Variants in KHDRBS2 observed in about 807,000 individuals in gnomAD.
KHDRBS2 encodes KH domain-containing, RNA-binding, signal transduction-associated protein 2.
In KHDRBS2, 26 loss-of-function variants were observed where a neutral mutation model predicts 44.3. That is an observed-to-expected ratio of 0.59 (90% CI 0.43 to 0.81). The LOEUF (loss-of-function observed/expected upper bound fraction) is 0.81, where lower values mean the gene tolerates loss of function less well. Among genes scored for constraint, KHDRBS2 ranks in the 40% least tolerant of loss-of-function variants. The pLI is 0.00. For missense variants in KHDRBS2, 476 were observed against 433.1 expected, an observed-to-expected ratio of 1.10 and a Z score of -0.88; for synonymous variants, 194 against 151.1, an observed-to-expected ratio of 1.28 and a Z score of -2.08.
chr6:61,606,389 G>A, the KHDRBS2 span, among the ~76,000 whole-genome samples: 1 of 152,144 alleles, frequency 6.6e-6, no homozygotes, highest in Non-Finnish European at 1.5e-5. Flanking sequence ...AAATGAACGG[G>A]CCAAGGGAAA....
At chr6:62,106,842 C>T (rs1348513550) in intron 2 of KHDRBS2, among the ~76,000 whole-genome samples, 3 of 151,960 alleles carry the variant, frequency 2.0e-5, no homozygotes, top group East Asian at 3.9e-4. Flanking sequence ...AGACAAAAAC[C>T]ACATGATTAT....
chr6:61,805,959 C>A (rs1787091096), intron 6 of KHDRBS2, among the ~76,000 whole-genome samples: 1 of 152,120 alleles, frequency 6.6e-6, no homozygotes, highest in South Asian at 2.1e-4. Context: ...ATAATTTGTA[C>A]ACAGTCACAC....
At chr6:62,098,156 T>C (rs1314922945) in intron 2 of KHDRBS2, among the ~76,000 whole-genome samples, 1 of 152,098 alleles carries the variant, frequency 6.6e-6, no homozygotes, top group Admixed American at 6.5e-5. Context: ...TAAAGATATG[T>C]CTAGTTTACA....
intron 1 of KHDRBS2, among the ~76,000 whole-genome samples, chr6:62,268,237 G>A (rs1160865082): frequency 1.3e-5 from 2 of 151,974 alleles, no homozygotes; most frequent in Non-Finnish European, 2.9e-5. Flanking sequence ...ACTTCTTTGA[G>A]AATTACCTCA....
At chr6:62,278,166 T>G (rs1841271889) in intron 1 of KHDRBS2, among the ~76,000 whole-genome samples, 1 of 152,178 alleles carries the variant, frequency 6.6e-6, no homozygotes, top group Non-Finnish European at 1.5e-5. Context: ...AAAATCAAAC[T>G]GATGCCAGAA....
At chr6:61,654,178 G>A in the KHDRBS2 span, among the ~76,000 whole-genome samples, 5 of 152,142 alleles carry the variant, frequency 3.3e-5, no homozygotes, top group Non-Finnish European at 5.9e-5. Context: ...TAGAAAGGGC[G>A]CTAACATTTG....
chr6:62,064,454 C>G (rs1405040707), intron 2 of KHDRBS2, among the ~76,000 whole-genome samples: 18 of 148,160 alleles, frequency 1.2e-4, no homozygotes, highest in Admixed American at 1.2e-3. Flanking sequence ...TGGAACACAA[C>G]AGAGCCCTCA....
chr6:61,802,475 T>A (rs1230128267), intron 6 of KHDRBS2, among the ~76,000 whole-genome samples: 1 of 152,180 alleles, frequency 6.6e-6, no homozygotes, highest in African/African-American at 2.4e-5. Flanking sequence ...AACACAGCAC[T>A]ATTGTGAAGA....
chr6:61,841,022 G>A (rs1195475436), intron 6 of KHDRBS2, among the ~76,000 whole-genome samples: 1 of 152,076 alleles, frequency 6.6e-6, no homozygotes, highest in African/African-American at 2.4e-5. Flanking sequence ...ACCCTAATTT[G>A]TAGTCTATAG....
intron 1 of KHDRBS2, among the ~76,000 whole-genome samples, chr6:62,202,757 T>C (rs1184334940): frequency 6.6e-6 from 1 of 152,008 alleles, no homozygotes; most frequent in African/African-American, 2.4e-5. Context: ...CATGGTTCTG[T>C]GAGAGTTTAC....
In KHDRBS2 at chr6:61,738,220, C is replaced by T. The variant is rs190193735; in HGVS notation, c.811-5456G>A. On this transcript the variant is annotated intron_variant, in intron 6 of 8. Transcript: ENST00000281156. ...ATTTCCTCAAGTACAAAGAGCACATCCGATGTGTCCAGTAAAAGAAAACCT... is the reference window on the plus strand; with the variant it reads ...ATTTCCTCAAGTACAAAGAGCACATTCGATGTGTCCAGTAAAAGAAAACCT... Among the ~76,000 whole-genome samples, 6 of 152,074 alleles carry T rather than the reference C, an allele frequency of 3.9e-5. No individual in the cohort carries two copies. In the East Asian group the frequency reaches 1.2e-3, roughly 29 times the overall value.
intron 1 of KHDRBS2, among the ~76,000 whole-genome samples, chr6:62,269,485 T>C (rs1356332502): frequency 2.0e-5 from 3 of 152,076 alleles, no homozygotes; most frequent in Non-Finnish European, 2.9e-5. Flanking sequence ...CATGAAAGCA[T>C]GCTCTTCAAT....
chr6:62,070,393 G>C (rs988807855), intron 2 of KHDRBS2, among the ~76,000 whole-genome samples: 2 of 151,386 alleles, frequency 1.3e-5, no homozygotes, highest in Non-Finnish European at 1.5e-5. Context: ...CAATGTGCAG[G>C]TTTGTTACAT....
At chr6:62,154,081 G>A (rs557945645) in intron 2 of KHDRBS2, among the ~76,000 whole-genome samples, 1 of 152,160 alleles carries the variant, frequency 6.6e-6, no homozygotes, top group Non-Finnish European at 1.5e-5. Context: ...GCCCTTCCCA[G>A]ACAAGACAAA....
rs137929089 is a variant in KHDRBS2, at chr6:61,795,312, G to A, written c.811-62548C>T. On this transcript the variant is annotated intron_variant, in intron 6 of 8. Transcript: ENST00000281156. ...TTAAAGAGAATGAATTATTGTGTAT[G>A]GCTTACAATTCAGCAAAAACCCAAC... Among the ~76,000 whole-genome samples the A allele has an allele frequency of 7.0e-3, 1,070 of 152,090 alleles. 20 individuals carry two copies. The highest frequency in any genetic ancestry group is 0.023 in the African/African-American group (960 of 41,490).
At chr6:62,168,969 A>G (rs1273312043) in intron 2 of KHDRBS2, among the ~76,000 whole-genome samples, 2 of 146,328 alleles carry the variant, frequency 1.4e-5, no homozygotes, top group Admixed American at 1.4e-4. Context: ...GGTATATTCA[A>G]CAATGAAACA....
the KHDRBS2 span, among the ~76,000 whole-genome samples, chr6:61,600,139 T>C: frequency 1.3e-5 from 2 of 152,172 alleles, no homozygotes; most frequent in African/African-American, 4.8e-5. Context: ...TTTGTACCAT[T>C]CCTTGATGGG....
At chr6:61,793,421 A>G (rs1784889513) in intron 6 of KHDRBS2, among the ~76,000 whole-genome samples, 1 of 152,086 alleles carries the variant, frequency 6.6e-6, no homozygotes. Context: ...ATTAAGGAAT[A>G]CTATGTTTAT....
intron 6 of KHDRBS2, among the ~76,000 whole-genome samples, chr6:61,770,415 G>A (rs576678035): frequency 2.6e-5 from 4 of 152,124 alleles, no homozygotes; most frequent in Non-Finnish European, 4.4e-5. Context: ...TCAAACCAAC[G>A]GCAAAGAAGT....
Sources: allele counts gnomAD v4.1 joint callset (sites outside exome capture counted in the v4.1 genomes callset), GRCh38; gene constraint gnomAD v4.1.1; transcripts MANE v1.5; gene names NCBI Gene and HGNC (gene_info 2026-07-23, HGNC 2026-07-21).